BCAS1: variants seen among roughly 807,000 people sequenced by gnomAD.
BCAS1 encodes breast carcinoma-amplified sequence 1.
A neutral mutation model predicts 65.4 loss-of-function variants in BCAS1; 46 were observed. The observed-to-expected ratio is 0.70, with a 90% CI of 0.55 to 0.90. BCAS1 has a LOEUF of 0.90. Ranked by LOEUF, BCAS1 falls within the 40% of genes least tolerant of loss-of-function variation. The probability of loss-of-function intolerance (pLI) is 0.00; values close to 1 mark genes in which losing one functional copy is unlikely to be tolerated. For synonymous variants in BCAS1, 298 were observed against 293.5 expected (o/e 1.02, Z -0.16); for missense variants, 793 against 771.2 (o/e 1.03, Z -0.33).
intron 7 of BCAS1, among the ~76,000 whole-genome samples, chr20:53,987,072 T>G (rs6022896): frequency 0.13 from 19,096 of 152,146 alleles, 2,603 homozygotes; most frequent in African/African-American, 0.34. Flanking sequence ...TCTGGCTCCT[T>G]TCTAGAGCTC....
At chr20:54,005,301 G>A (rs77576190) in intron 4 of BCAS1, among the ~76,000 whole-genome samples, 1 of 42,458 alleles carries the variant, frequency 2.4e-5, no homozygotes, top group Non-Finnish European at 5.5e-5. Context: ...ATGAAACAAA[G>A]CAAAAACAAA....
At chr20:54,011,738 C>G (rs1159140677) in intron 4 of BCAS1, among the ~76,000 whole-genome samples, 3 of 152,142 alleles carry the variant, frequency 2.0e-5, no homozygotes, top group Non-Finnish European at 4.4e-5. Context: ...GGCGTGGTGG[C>G]AAGTGTCTGT....
Position 53,996,036 on chromosome 20 carries a change from G to T in BCAS1, c.738C>A (p.Gly246=). The T allele has an allele frequency of 1.2e-6, 2 of 1,603,006 alleles. No homozygotes were observed. Among genetic ancestry groups the T allele is most frequent in the South Asian group, 2.2e-5 (2 of 89,360 alleles). ...CAAGTTCTTGTCCTTCTTTTTCCTTGCCGTCAACTATGTCCTAGGGGCAAA... is the reference window on the plus strand; with the variant it reads ...CAAGTTCTTGTCCTTCTTTTTCCTTTCCGTCAACTATGTCCTAGGGGCAAA... ...DVPAGKDIVD[G]KEKEGQELGT... Residue 246 remains glycine (G), a synonymous_variant, in exon 5 of 13, where the codon GGC becomes GGA. Coordinates refer to ENST00000688948, the MANE Select transcript of BCAS1 (RefSeq NM_001366298.2).
chr20:54,059,340 A>G (rs1225085514), intron 1 of BCAS1, among the ~76,000 whole-genome samples: 1 of 152,244 alleles, frequency 6.6e-6, no homozygotes. Flanking sequence ...TATCATCATG[A>G]AAAGTGTATT....
intron 12 of BCAS1, among the ~76,000 whole-genome samples, chr20:53,950,117 T>C (rs2089466075): frequency 1.4e-5 from 2 of 147,436 alleles, no homozygotes; most frequent in Admixed American, 1.4e-4. Context: ...CCTGCTCAGA[T>C]AGGATTATGT....
At chr20:53,947,151 G>A (rs1342572598) in intron 12 of BCAS1, among the ~76,000 whole-genome samples, 1 of 152,074 alleles carries the variant, frequency 6.6e-6, no homozygotes, top group Non-Finnish European at 1.5e-5. Flanking sequence ...GGGTGACTTT[G>A]GTCAAATTGC....
chr20:54,011,178 TA>T (rs1314181676), intron 4 of BCAS1, among the ~76,000 whole-genome samples: 7 of 151,412 alleles, frequency 4.6e-5, no homozygotes, highest in African/African-American at 1.7e-4. Context: ...AAAAAATCCA[TA>T]AAAGACCAAA....
rs767591023 is a variant in BCAS1, at chr20:54,028,674, C to A, written c.441G>T (p.Gly147=). 3 of 1,614,162 alleles carry A rather than the reference C, an allele frequency of 1.9e-6. No homozygotes were observed. In the East Asian group the frequency reaches 6.7e-5, roughly 36 times the overall value. Residue 147 remains glycine (G), a synonymous_variant, in exon 4 of 13, where the codon GGG becomes GGT. Transcript: ENST00000688948. ...GCCCTGGGGTTTTATCTGTGTCCTG[C>A]CCCGGTCCAGCTGCCACCGGAAGTG... ...SWTLPVAAGP[G]QDTDKTPGHA... is the part of the protein sequence containing the mutation.
intron 2 of BCAS1, 35 bp downstream of exon 2, chr20:54,058,612 T>C: frequency 1.9e-6 from 3 of 1,539,834 alleles, no homozygotes; most frequent in Non-Finnish European, 2.6e-6. Flanking sequence ...TTTTTTTTTT[T>C]TCTGCTGATG....
At chr20:53,975,364 T>G (rs1317687917) in intron 9 of BCAS1, 25 bp downstream of exon 9, 1 of 1,604,432 alleles carries the variant, frequency 6.2e-7, no homozygotes. Flanking sequence ...AATGGAATGA[T>G]TCTGCCGTGG....
chr20:53,978,525 T>A (rs1054091144), intron 8 of BCAS1, among the ~76,000 whole-genome samples: 7 of 152,180 alleles, frequency 4.6e-5, no homozygotes, highest in African/African-American at 1.4e-4. Context: ...TCAGCAGGTG[T>A]TTGTACAGTA....
intron 1 of BCAS1, among the ~76,000 whole-genome samples, chr20:54,059,464 C>G (rs1332502377): frequency 6.6e-6 from 1 of 150,556 alleles, no homozygotes; most frequent in Non-Finnish European, 1.5e-5. Context: ...AAATTAATTC[C>G]CCTATTAAAA....
chr20:53,955,028 C>T (rs2089656870), intron 11 of BCAS1, among the ~76,000 whole-genome samples: 1 of 152,186 alleles, frequency 6.6e-6, no homozygotes, highest in Non-Finnish European at 1.5e-5. Context: ...ACACACTTGA[C>T]CCACCGGATA....
chr20:54,025,689 G>A (rs1008069973), intron 4 of BCAS1, among the ~76,000 whole-genome samples: 1 of 152,038 alleles, frequency 6.6e-6, no homozygotes, highest in Non-Finnish European at 1.5e-5. Flanking sequence ...ATGCGGCTGA[G>A]CCCAAGGCAT....
chr20:53,987,198 T>A (rs913144810), intron 7 of BCAS1, among the ~76,000 whole-genome samples: 1 of 152,240 alleles, frequency 6.6e-6, no homozygotes, highest in Non-Finnish European at 1.5e-5. Context: ...GAAGGAGTCA[T>A]CCATTGAGCA....
At chr20:53,990,389 C>T (rs1313296369) in intron 7 of BCAS1, among the ~76,000 whole-genome samples, 2 of 152,160 alleles carry the variant, frequency 1.3e-5, no homozygotes, top group Non-Finnish European at 2.9e-5. Context: ...AAAGCTGACA[C>T]TAAATGTATT....
chr20:54,007,720 AT>A (rs143712456), intron 4 of BCAS1, among the ~76,000 whole-genome samples: 2,009 of 150,518 alleles, frequency 0.013, 44 homozygotes, highest in African/African-American at 0.046. Context: ...ACTTTGAAAT[AT>A]TTTTTTTTTC....
intron 3 of BCAS1, among the ~76,000 whole-genome samples, chr20:54,036,779 T>G (rs2091907001): frequency 6.6e-6 from 1 of 151,524 alleles, no homozygotes; most frequent in Non-Finnish European, 1.5e-5. Flanking sequence ...TTTTTAAATG[T>G]AAGCCATAAG....
intron 3 of BCAS1, among the ~76,000 whole-genome samples, chr20:54,047,728 C>G (rs1283769784): frequency 6.6e-6 from 1 of 152,026 alleles, no homozygotes; most frequent in Non-Finnish European, 1.5e-5. Flanking sequence ...AAAAATTGGA[C>G]AAAATGCACA....
Sources: allele counts gnomAD v4.1 joint callset (sites outside exome capture counted in the v4.1 genomes callset), GRCh38; gene constraint gnomAD v4.1.1; transcripts MANE v1.5; gene names NCBI Gene and HGNC (gene_info 2026-07-23, HGNC 2026-07-21).